Variants in PIP4K2B observed in about 807,000 individuals in gnomAD.
PIP4K2B encodes phosphatidylinositol 5-phosphate 4-kinase type-2 beta.
In PIP4K2B, 3 loss-of-function variants were observed where a neutral mutation model predicts 42.0. The ratio of observed to expected loss-of-function variants is 0.07; its 90% CI spans 0.03 to 0.18. The LOEUF (loss-of-function observed/expected upper bound fraction) is 0.18, where lower values mean the gene tolerates loss of function less well. Ranked by LOEUF, PIP4K2B falls within the 10% of genes least tolerant of loss-of-function variation. The pLI is 1.00. For missense variants in PIP4K2B, 332 were observed against 562.3 expected (o/e 0.59, Z 4.14); for synonymous variants, 204 against 210.1 (o/e 0.97, Z 0.25).
rs1306309163 is a variant in PIP4K2B, at chr17:38,768,923, GGT to G, written c.*766_*767del. The stretch of plus-strand genomic sequence containing the variant: ...TCATCACAGGGTTCTCTGAGAACCA[GGT>G]GTCCAAGAGCCCAGCCGCTTTCCTG... On this transcript the variant is annotated 3_prime_UTR_variant, in exon 10 of 10. Transcript: ENST00000619039. The G allele has an allele frequency of 1.3e-5, 2 of 152,618 alleles. No homozygotes were observed. Among genetic ancestry groups the G allele is most frequent in the Non-Finnish European group, 2.9e-5 (2 of 68,046 alleles). The allele number at this position is 152,618 out of a possible 1,614,324, so 9.5% of individuals were successfully genotyped here.
At chr17:38,773,388 C>T (rs1909153031) in intron 7 of PIP4K2B, among the ~76,000 whole-genome samples, 1 of 152,130 alleles carries the variant, frequency 6.6e-6, no homozygotes, top group African/African-American at 2.4e-5. Context: ...GAAAGTCCTC[C>T]CCTAGCATCA....
At chr17:38,781,086 G>C (rs1909684670) in intron 3 of PIP4K2B, among the ~76,000 whole-genome samples, 1 of 152,100 alleles carries the variant, frequency 6.6e-6, no homozygotes, top group Non-Finnish European at 1.5e-5. Flanking sequence ...CTGTCTTCAA[G>C]GGGTCTAGCA....
chr17:38,771,054 G>C lies in PIP4K2B; in HGVS notation c.1026C>G (p.Phe342Leu). Reference protein sequence around the residue: ...SFPRFFGPGEFDPSVDVYAMK... With the variant: ...SFPRFFGPGELDPSVDVYAMK... ...TGGCATAGACGTCAACAGAGGGGTC[G>C]AATTCCCCAGGACCAAAGAACCGAG... The change falls in exon 8 of 10, where the codon TTC becomes TTG. Residue 342 changes from phenylalanine to leucine, a missense_variant. Phe to Leu is a conservative substitution (Grantham distance 22). Around this residue, in one of 6 missense-constraint regions of PIP4K2B, gnomAD observed 63 missense variants for 71.6 expected, o/e 0.88. Transcript: ENST00000619039. 1 of 1,614,144 alleles carries C rather than the reference G, an allele frequency of 6.2e-7. No individual in the cohort carries two copies. The highest frequency in any genetic ancestry group is 1.1e-5 in the South Asian group (1 of 91,080).
At chr17:38,784,450 G>C in intron 2 of PIP4K2B, 111 bp from the exon 3 acceptor site, 1 of 619,570 alleles carries the variant, frequency 1.6e-6, no homozygotes, top group South Asian at 2.2e-5. Context: ...TGCCCAGACT[G>C]GTCTTGAACT....
At chr17:38,778,705 G>A (rs377393750) in intron 5 of PIP4K2B, among the ~76,000 whole-genome samples, 1 of 151,864 alleles carries the variant, frequency 6.6e-6, no homozygotes, top group African/African-American at 2.4e-5. Context: ...ACAGGGAGGA[G>A]CAGGACACTC....
chr17:38,795,858 G>A (rs1910632839), intron 1 of PIP4K2B, among the ~76,000 whole-genome samples: 1 of 152,022 alleles, frequency 6.6e-6, no homozygotes, highest in Non-Finnish European at 1.5e-5. Flanking sequence ...TCACAATGAG[G>A]CCGGGTGCGA....
chr17:38,775,756 G>A (rs1350276626), intron 7 of PIP4K2B, among the ~76,000 whole-genome samples: 1 of 151,986 alleles, frequency 6.6e-6, no homozygotes, highest in Non-Finnish European at 1.5e-5. Context: ...TACTTGGGAG[G>A]CTGAAGCAGG....
intron 1 of PIP4K2B, among the ~76,000 whole-genome samples, chr17:38,795,604 A>G (rs1451766212): frequency 1.3e-5 from 2 of 151,934 alleles, no homozygotes; most frequent in African/African-American, 4.8e-5. Flanking sequence ...TACAAAAGTT[A>G]GCTGGGTGTG....
chr17:38,766,097 G>C lies in PIP4K2B; in HGVS notation c.*3594C>G, dbSNP rs1436401569. On this transcript the variant is annotated 3_prime_UTR_variant, in exon 10 of 10. Coordinates refer to ENST00000619039, the MANE Select transcript of PIP4K2B (RefSeq NM_003559.5). ...TACTGGCACAAGCTGCCAAGGGACA[G>C]CTGAGTCTCCTTTTCCCCATGGGGC... 2 of 152,484 alleles carry C rather than the reference G, an allele frequency of 1.3e-5. No homozygotes were observed. The highest frequency in any genetic ancestry group is 4.8e-5 in the African/African-American group (2 of 41,470). The allele number at this position is 152,484 out of a possible 1,614,324, so 9.4% of individuals were successfully genotyped here.
At position 38,784,320 on chromosome 17, in the gene PIP4K2B, A is replaced by G; in HGVS notation, c.277T>C (p.Phe93Leu). 2 of 1,613,248 alleles carry G rather than the reference A, an allele frequency of 1.2e-6. No homozygotes were observed. The highest frequency in any genetic ancestry group is 1.7e-6 in the Non-Finnish European group (2 of 1,179,242). ...LFNKENLPSR[F>L]KFKEYCPMVF... is the part of the protein sequence containing the mutation. ...ATGGGGCAATACTCCTTAAACTTAA[A>G]GCGGCTGGGCAGGTTCTCCCTAGGG... The change falls in exon 3 of 10, where the codon TTT becomes CTT. Residue 93 changes from phenylalanine to leucine, a missense_variant. Coordinates refer to ENST00000619039, the MANE Select transcript of PIP4K2B (RefSeq NM_003559.5).
chr17:38,775,789 C>T (rs1202468341), intron 7 of PIP4K2B, among the ~76,000 whole-genome samples: 2 of 151,530 alleles, frequency 1.3e-5, no homozygotes, highest in South Asian at 2.1e-4. Context: ...ACCCGGGAGG[C>T]GGAGGTTGCA....
chr17:38,771,738 G>C (rs1355980274), intron 7 of PIP4K2B, among the ~76,000 whole-genome samples: 3 of 152,100 alleles, frequency 2.0e-5, no homozygotes. Context: ...GATCAAGAGA[G>C]GCCATGGTGG....
chr17:38,779,245 G>C (rs1330876950), intron 5 of PIP4K2B, 138 bp downstream of exon 5: 1 of 810,006 alleles, frequency 1.2e-6, no homozygotes, highest in Non-Finnish European at 2.0e-6. Flanking sequence ...ACAAGAATCA[G>C]GCATATCCAC....
In PIP4K2B at chr17:38,771,155, T is replaced by C; in HGVS notation, c.925A>G (p.Asn309Asp). 6.2e-7 allele frequency: 1 copy of C among 1,614,010 alleles called. No individual in the cohort carries two copies. Among genetic ancestry groups the C allele is most frequent in the Non-Finnish European group, 8.5e-7 (1 of 1,180,014 alleles). ...EERAEDEECE[N>D]DGVGGNLLCS... The stretch of plus-strand genomic sequence containing the variant: ...AGTAGGTTGCCACCCACCCCATCAT[T>C]CTCACACTCCTCGTCCTCTGCCCGC... The change falls in exon 8 of 10, where the codon AAT (asparagine) becomes GAT (aspartate). Residue 309 changes from asparagine (N) to aspartate (D), a missense_variant. Around this residue, in one of 6 missense-constraint regions of PIP4K2B, gnomAD observed 63 missense variants for 71.6 expected, o/e 0.88. Transcript: ENST00000619039.
chr17:38,786,987 A>C lies in PIP4K2B; in HGVS notation c.160-67T>G, dbSNP rs545723714. 1.5e-5 allele frequency: 15 copies of C among 968,820 alleles called. No homozygotes were observed. The East Asian group carries it at 3.3e-4, about 22-fold the overall frequency. The allele number at this position is 968,820 out of a possible 1,614,324, so 60.0% of individuals were successfully genotyped here. ...ACCTGCCTCAGAGACACTAAGCTAC[A>C]ATGTGGATGCCACAATCTTGCTAAA... On this transcript the variant is annotated intron_variant, in intron 1 of 9. Transcript: ENST00000619039.
chr17:38,778,013 A>AG (rs1313872572), intron 6 of PIP4K2B, among the ~76,000 whole-genome samples: 1 of 152,228 alleles, frequency 6.6e-6, no homozygotes, highest in Non-Finnish European at 1.5e-5. Flanking sequence ...GAATGACTAA[A>AG]GGATTCTTTC....
chr17:38,777,565 A>G, intron 7 of PIP4K2B, 122 bp downstream of exon 7: 2 of 720,598 alleles, frequency 2.8e-6, no homozygotes, highest in Non-Finnish European at 4.9e-6. Flanking sequence ...ACGCTGCTCA[A>G]ATCACCACCC....
chr17:38,776,883 G>A (rs536604865), intron 7 of PIP4K2B, among the ~76,000 whole-genome samples: 73 of 152,264 alleles, frequency 4.8e-4, no homozygotes, highest in Non-Finnish European at 9.1e-4. Flanking sequence ...GCCAGAGCCA[G>A]AGAAGAACCT....
Position 38,799,520 on chromosome 17 carries a change from C to G in PIP4K2B, c.-96G>C. Reference sequence around the variant, plus strand: ...CCTCCCCCGGACCGATCCCCACCCCCGCTCCCTCACCGCGCCATGGTCGCG... The same window carrying G: ...CCTCCCCCGGACCGATCCCCACCCCGGCTCCCTCACCGCGCCATGGTCGCG... On this transcript the variant is annotated 5_prime_UTR_variant, in exon 1 of 10. Transcript: ENST00000619039. This position sits in a 1 kb window ranked among gnomAD's most constrained non-coding sequence, Gnocchi z 4.4. 2 of 1,341,942 alleles carry G rather than the reference C, an allele frequency of 1.5e-6. No homozygotes were observed. The highest frequency in any genetic ancestry group is 9.5e-7 in the Non-Finnish European group (1 of 1,051,468). The allele number at this position is 1,341,942 out of a possible 1,614,324, so 83.1% of individuals were successfully genotyped here.
Sources: allele counts gnomAD v4.1 joint callset (sites outside exome capture counted in the v4.1 genomes callset), GRCh38; gene constraint gnomAD v4.1.1; regional missense constraint gnomAD v4.1.1; non-coding constraint Gnocchi (gnomAD v3.1); transcripts MANE v1.5; gene names NCBI Gene and HGNC (gene_info 2026-07-23, HGNC 2026-07-21).